The following NBPF11 variants were observed in gnomAD, a reference collection of about 807,000 sequenced individuals.
The protein encoded by NBPF11 is NBPF family member NBPF11.
NBPF11 carries 72 observed loss-of-function variants against 93.9 expected under a neutral mutation model. The ratio of observed to expected loss-of-function variants is 0.77; its 90% CI spans 0.63 to 0.93. The LOEUF (loss-of-function observed/expected upper bound fraction) is 0.93, where lower values mean the gene tolerates loss of function less well. Among genes scored for constraint, NBPF11 ranks in the 40% least tolerant of loss-of-function variants. The pLI is 0.00. For synonymous variants in NBPF11, 224 were observed against 304.9 expected, an observed-to-expected ratio of 0.73 and a Z score of 2.76; for missense variants, 705 against 802.2, an observed-to-expected ratio of 0.88 and a Z score of 1.46.
At chr1:148,131,037 C>A (rs1253834443) in intron 4 of NBPF11, among the ~76,000 whole-genome samples, 2 of 151,332 alleles carry the variant, frequency 1.3e-5, no homozygotes, top group African/African-American at 4.9e-5. Flanking sequence ...TATCATTCCA[C>A]GTTTGGGCTA....
intron 18 of NBPF11, 33 bp downstream of exon 18, chr1:148,108,449 G>A: frequency 1.4e-6 from 2 of 1,381,382 alleles, no homozygotes; most frequent in South Asian, 1.2e-5. Context: ...AAGACTCAGT[G>A]GATCCTTATC....
At chr1:148,106,284 C>T (rs1396223275) in intron 20 of NBPF11, 52 bp from the exon 21 acceptor site, 5 of 618,528 alleles carry the variant, frequency 8.1e-6, no homozygotes, top group Non-Finnish European at 1.4e-5. Flanking sequence ...CACCTACACC[C>T]ATAACAGTCC....
intron 1 of NBPF11, among the ~76,000 whole-genome samples, chr1:148,150,422 T>G (rs1456837047): frequency 2.0e-5 from 3 of 151,244 alleles, no homozygotes; most frequent in African/African-American, 7.3e-5. Flanking sequence ...CGTTTAAAAT[T>G]GTGAACTTCT....
intron 5 of NBPF11, among the ~76,000 whole-genome samples, chr1:148,126,114 C>T (rs1571459477): frequency 1.3e-5 from 2 of 151,940 alleles, no homozygotes; most frequent in South Asian, 4.1e-4. Context: ...GATTCTCCTG[C>T]CTCAGCCTCC....
intron 2 of NBPF11, among the ~76,000 whole-genome samples, chr1:148,143,144 G>A (rs1178060901): frequency 4.6e-5 from 7 of 151,850 alleles, no homozygotes; most frequent in Admixed American, 4.6e-4. Flanking sequence ...GGAGAGGGAT[G>A]CAGATCTAGC....
intron 2 of NBPF11, among the ~76,000 whole-genome samples, chr1:148,140,714 C>A (rs1336987840): frequency 2.0e-5 from 3 of 151,970 alleles, no homozygotes; most frequent in Non-Finnish European, 2.9e-5. Flanking sequence ...CACCATAAAC[C>A]TATCAGAATG....
rs782711609 is a variant in NBPF11, at chr1:148,124,893, C to G, written c.278+6G>C. ...CTGCCTGTCTCCCCCTACGGGGTCC[C>G]CTCACCTGAGCTCCTCAGCTTGCTT... On this transcript the variant is annotated splice_donor_region_variant and intron_variant, in intron 6 of 23. Transcript: ENST00000682118. The G allele has an allele frequency of 9.9e-6, 16 of 1,608,570 alleles. No homozygotes were observed. The East Asian group carries it at 3.6e-4, about 36-fold the overall frequency.
chr1:148,121,607 G>A lies in NBPF11; in HGVS notation c.778+448C>T, dbSNP rs79170006. 1.3e-4 allele frequency among the ~76,000 whole-genome samples: 20 copies of A among 151,536 alleles called. No homozygotes were observed. In the South Asian group the frequency reaches 2.5e-3, roughly 19 times the overall value. On this transcript the variant is annotated intron_variant, in intron 9 of 23. Coordinates refer to ENST00000682118, the MANE Select transcript of NBPF11 (RefSeq NM_001385469.3). ...CCTGACCTCGTGATCCACCCGCCTC[G>A]GCCTCCCAAAGTGCTCGGATTACAG...
intron 1 of NBPF11, among the ~76,000 whole-genome samples, chr1:148,144,092 T>G (rs1277302220): frequency 6.6e-6 from 1 of 151,822 alleles, no homozygotes; most frequent in Non-Finnish European, 1.5e-5. Flanking sequence ...TTTCACAAAG[T>G]AAGGAATATT....
In NBPF11 at chr1:148,136,186, A is replaced by C. The variant is rs1323816800; in HGVS notation, c.-177-373T>G. Among the ~76,000 whole-genome samples the C allele has an allele frequency of 1.4e-3, 220 of 152,106 alleles. 1 individual carries two copies. Among genetic ancestry groups the C allele is most frequent in the African/African-American group, 5.1e-3 (210 of 41,368 alleles). On this transcript the variant is annotated intron_variant, in intron 3 of 23. Transcript: ENST00000682118. ...GTCTGGCATATTCTTACAGAACTAA[A>C]CAACTACCTATTCTATGACTCAGTA...
Position 148,116,474 on chromosome 1 carries a change from C to A in NBPF11, c.1368G>T (p.Ser456=), listed in dbSNP as rs1195323795. The A allele has an allele frequency of 4.0e-6, 3 of 747,708 alleles. No homozygotes were observed. The highest frequency in any genetic ancestry group is 7.3e-6 in the Non-Finnish European group (3 of 412,296). 46.3% of individuals were successfully genotyped at this position (747,708 alleles called of 1,614,324 possible). Residue 456 remains serine, a synonymous_variant, in exon 13 of 24, where the codon TCG becomes TCT. Coordinates refer to ENST00000682118, the MANE Select transcript of NBPF11 (RefSeq NM_001385469.3). ...GTATTCAGTGTTACCTGGGGGAAGA[C>A]GATTTCTGCACTTTCTCAGCCACCT... ...QVEVAEKVQK[S]SSPREMQKAE...
At chr1:148,116,223 C>G (rs1340875098) in intron 13 of NBPF11, among the ~76,000 whole-genome samples, 2 of 151,992 alleles carry the variant, frequency 1.3e-5, no homozygotes, top group African/African-American at 4.8e-5. Flanking sequence ...TTGCACTGGA[C>G]AGATAGGAGC....
At chr1:148,136,130 G>A (rs1671240322) in intron 3 of NBPF11, among the ~76,000 whole-genome samples, 2 of 152,050 alleles carry the variant, frequency 1.3e-5, no homozygotes, top group Non-Finnish European at 2.9e-5. Flanking sequence ...TGGTTGGAAT[G>A]TACAATAGTA....
At chr1:148,145,201 C>CT (rs1190949525) in intron 1 of NBPF11, among the ~76,000 whole-genome samples, 7,036 of 75,636 alleles carry the variant, frequency 0.093, 384 homozygotes, top group East Asian at 0.22. Flanking sequence ...TTTTTTCTTT[C>CT]TTTTTTTTTT....
In NBPF11 at chr1:148,106,071, C is replaced by T. The variant is rs1160688240; in HGVS notation, c.2303+110G>A. 1.4e-3 allele frequency: 776 copies of T among 558,608 alleles called. 9 individuals are homozygous for T. The East Asian group carries it at 0.022, about 16-fold the overall frequency. The allele number at this position is 558,608 out of a possible 1,614,324, so 34.6% of individuals were successfully genotyped here. ...AACAGCAATGTTAGTAGGAATAATT[C>T]AGGCTTGGTTGAAAAGATGTAATCG... On this transcript the variant is annotated intron_variant, in intron 21 of 23. Transcript: ENST00000682118.
chr1:148,120,903 A>G lies in NBPF11; in HGVS notation c.779-193T>C, dbSNP rs1370434845. On this transcript the variant is annotated intron_variant, in intron 9 of 23. Transcript: ENST00000682118. ...GTCTTAGCTATGCAGTCACCTTGAA[A>G]CCAAGACATAAACACTTCTACACTT... Among the ~76,000 whole-genome samples the G allele has an allele frequency of 7.2e-4, 110 of 152,082 alleles. 2 individuals are homozygous for G. The highest frequency in any genetic ancestry group is 2.6e-3 in the African/African-American group (106 of 41,356).
rs1553272398 is a variant in NBPF11 at position 148,124,494 on chromosome 1, T to C, written c.278+405A>G. ...TTGAAAAGACGAAAGAAGAAAAGAA[T>C]GACAGGGTCGAGAAGGCAACATTGA... On this transcript the variant is annotated intron_variant, in intron 6 of 23. Coordinates refer to ENST00000682118, the MANE Select transcript of NBPF11 (RefSeq NM_001385469.3). Among the ~76,000 whole-genome samples, 10 of 150,518 alleles carry C rather than the reference T, an allele frequency of 6.6e-5. No individual in the cohort carries two copies. In the South Asian group the frequency reaches 1.5e-3, roughly 22 times the overall value.
At chr1:148,129,603 TCAC>T (rs1212781823) in intron 4 of NBPF11, 5 of 167,104 alleles carry the variant, frequency 3.0e-5, no homozygotes, top group African/African-American at 1.2e-4. Flanking sequence ...TTCCTCAACA[TCAC>T]GCCAGCTGAG....
intron 15 of NBPF11, among the ~76,000 whole-genome samples, chr1:148,111,484 G>T (rs1367503970): frequency 3.1e-4 from 47 of 152,020 alleles, no homozygotes; most frequent in Admixed American, 5.9e-4. Flanking sequence ...CGAACTCATC[G>T]CAAGGAAGCT....
Sources: allele counts gnomAD v4.1 joint callset (sites outside exome capture counted in the v4.1 genomes callset), GRCh38; gene constraint gnomAD v4.1.1; transcripts MANE v1.5; gene names NCBI Gene and HGNC (gene_info 2026-07-23, HGNC 2026-07-21).